Variants in DNAJC21 observed in about 807,000 individuals in gnomAD.
DNAJC21 encodes DnaJ heat shock protein family (Hsp40) member C21, also known as dnaJ homolog subfamily C member 21.
Under a neutral mutation model 72.4 loss-of-function variants are expected in DNAJC21, and 63 were observed. That is an observed-to-expected ratio of 0.87 (90% CI 0.71 to 1.07). DNAJC21 has a LOEUF of 1.07. Among genes scored for constraint, DNAJC21 ranks in the 50% least tolerant of loss-of-function variants. The probability of loss-of-function intolerance (pLI) is 0.00; values close to 1 mark genes in which losing one functional copy is unlikely to be tolerated. For missense variants in DNAJC21, 634 were observed against 644.8 expected (o/e 0.98, Z 0.18); for synonymous variants, 203 against 216.7 (o/e 0.94, Z 0.56).
Position 34,929,911 on chromosome 5 carries a change from A to C in DNAJC21, c.92A>C (p.His31Pro). ...KAYRKLALKW[H>P]PDKNLDNAAE... ...TATCGGAAGCTGGCCCTGAAATGGC[A>C]CCCGGGTAAGTACCTGTCCCGCAGC... Residue 31 changes from histidine to proline, a missense_variant, in exon 1 of 12, where the codon CAC becomes CCC. Coordinates refer to ENST00000648817, the MANE Select transcript of DNAJC21 (RefSeq NM_001012339.3). 3 of 1,571,880 alleles carry C rather than the reference A, an allele frequency of 1.9e-6. No individual in the cohort carries two copies. The highest frequency in any genetic ancestry group is 2.5e-5 in the East Asian group (1 of 40,370).
intron 7 of DNAJC21, 89 bp downstream of exon 7, chr5:34,941,272 A>G (rs1473538841): frequency 8.4e-7 from 1 of 1,193,588 alleles, no homozygotes; most frequent in African/African-American, 1.5e-5. Flanking sequence ...GTCATGACTC[A>G]CCACAGCCTC....
chr5:34,931,564 A>G (rs1047077692), intron 1 of DNAJC21, among the ~76,000 whole-genome samples: 3 of 152,234 alleles, frequency 2.0e-5, no homozygotes, highest in Non-Finnish European at 2.9e-5. Context: ...TTTCTTGAGT[A>G]CAAGAGTAGT....
rs780221044 is a variant in DNAJC21, at chr5:34,953,903, A to G, written c.1359-23A>G. The stretch of plus-strand genomic sequence containing the variant: ...AAAAGGAGTATGTTATTTTTGGATT[A>G]TGCTGAATTATTTATTTTCCAGTGT... On this transcript the variant is annotated intron_variant, in intron 10 of 11. Transcript: ENST00000648817. 3 of 1,588,884 alleles carry G rather than the reference A, an allele frequency of 1.9e-6. No homozygotes were observed. The South Asian group carries it at 3.4e-5, about 18-fold the overall frequency.
chr5:34,942,044 TC>T (rs1448268423), intron 7 of DNAJC21, among the ~76,000 whole-genome samples: 1 of 152,146 alleles, frequency 6.6e-6, no homozygotes, highest in African/African-American at 2.4e-5. Flanking sequence ...ATCCCAGTAT[TC>T]CTATAGCTGC....
At position 34,935,833 on chromosome 5, in the gene DNAJC21, G is replaced by A. The variant is rs896948713; in HGVS notation, c.315G>A (p.Lys105=). ...ATTCTGGTTATGGAGATGATGAAAA[G>A]GTAAGATAAATGAACTCACCCTTGA... ...TCYSGYGDDE[K]GFYTVYRNVF... The change falls in exon 3 of 12, where the codon AAG becomes AAA. Residue 105 remains lysine (K), a splice_region_variant and synonymous_variant. Coordinates refer to ENST00000648817, the MANE Select transcript of DNAJC21 (RefSeq NM_001012339.3). 6.2e-7 allele frequency: 1 copy of A among 1,613,718 alleles called. No individual in the cohort carries two copies. The highest frequency in any genetic ancestry group is 1.3e-5 in the African/African-American group (1 of 74,994).
intron 11 of DNAJC21, chr5:34,954,291 G>A (rs1422835667): frequency 2.1e-6 from 1 of 476,482 alleles, no homozygotes. Context: ...GAGATTAATT[G>A]TGAAGCATAA....
In DNAJC21 at chr5:34,937,583, G is replaced by T. The variant is rs200025661; in HGVS notation, c.696G>T (p.Ala232=). ...KLVEEQNAEK[A]RKAEEMRRQQ... ...TGGAAGAACAGAATGCAGAGAAGGC[G>T]AGGAAAGCCGAAGAGATGAGGCGGC... Residue 232 remains alanine (A), a synonymous_variant, in exon 5 of 12, where the codon GCG becomes GCT. Coordinates refer to ENST00000648817, the MANE Select transcript of DNAJC21 (RefSeq NM_001012339.3). 1.9e-6 allele frequency: 3 copies of T among 1,613,838 alleles called. No individual in the cohort carries two copies. Among genetic ancestry groups the T allele is most frequent in the Admixed American group, 3.3e-5 (2 of 60,004 alleles).
chr5:34,935,717 A>G lies in DNAJC21; in HGVS notation c.199A>G (p.Asn67Asp). 6.2e-7 allele frequency: 1 copy of G among 1,613,962 alleles called. No homozygotes were observed. Among genetic ancestry groups the G allele is most frequent in the Non-Finnish European group, 8.5e-7 (1 of 1,179,940 alleles). ...SDPQERAWYD[N>D]HREALLKGGF... is the part of the protein sequence containing the mutation. ...CTAATTTTTGTTTTTCAGGTATGAT[A>G]ATCATAGAGAGGCCCTACTTAAAGG... The change falls in exon 3 of 12, where the codon AAT becomes GAT. Residue 67 changes from asparagine to aspartate, a missense_variant. By Grantham distance (23) the Asn-to-Asp change is conservative (BLOSUM62 1). Transcript: ENST00000648817.
At chr5:34,933,674 C>A in intron 1 of DNAJC21, 141 bp from the exon 2 acceptor site, 2 of 581,530 alleles carry the variant, frequency 3.4e-6, no homozygotes, top group Non-Finnish European at 6.0e-6. Flanking sequence ...TTGACTGTTA[C>A]GTGGAGTCTT....
rs1764892329 is a variant in DNAJC21 at position 34,938,991 on chromosome 5, C to A, written c.877C>A (p.Leu293Ile). The change falls in exon 6 of 12, where the codon CTC (leucine) becomes ATC (isoleucine). Residue 293 changes from leucine to isoleucine, a missense_variant. Physicochemically the swap from Leu to Ile is conservative, Grantham distance 5 (BLOSUM62 2). Transcript: ENST00000648817. ...TGAAAATGAAATGGAAGAACATGAA[C>A]TCAAAGATGAGGAGGATGGTAATAT... is the stretch of plus-strand genomic sequence containing the variant. ...SDENEMEEHE[L>I]KDEEDGKDSD... 1 of 1,610,562 alleles carries A rather than the reference C, an allele frequency of 6.2e-7. No individual in the cohort carries two copies. Among genetic ancestry groups the A allele is most frequent in the South Asian group, 1.1e-5 (1 of 90,456 alleles).
rs933683147 is a variant in DNAJC21, at chr5:34,949,612, T to G, written c.1186-558T>G. 3.1e-6 allele frequency: 5 copies of G among 1,598,852 alleles called. No individual in the cohort carries two copies. In the African/African-American group the frequency reaches 5.3e-5, roughly 17 times the overall value. On this transcript the variant is annotated intron_variant, in intron 9 of 11. Transcript: ENST00000648817. ...GATGGCTTGGGGAAAAAAGTGTGTG[T>G]TGGGAGAGAGAAGAGATGGAGAGAG...
intron 9 of DNAJC21, among the ~76,000 whole-genome samples, chr5:34,947,933 T>TA (rs571905382): frequency 4.0e-5 from 6 of 151,566 alleles, no homozygotes; most frequent in East Asian, 1.9e-4. Flanking sequence ...AATAGTTCTG[T>TA]AAAAAAAAAT....
At chr5:34,943,932 AT>A (rs1765085562) in intron 7 of DNAJC21, among the ~76,000 whole-genome samples, 1 of 152,176 alleles carries the variant, frequency 6.6e-6, no homozygotes, top group Non-Finnish European at 1.5e-5. Flanking sequence ...ACATGTGCTT[AT>A]AACTTTTTTG....
intron 2 of DNAJC21, among the ~76,000 whole-genome samples, chr5:34,934,967 C>A (rs1764723628): frequency 6.6e-6 from 1 of 152,204 alleles, no homozygotes; most frequent in Admixed American, 6.5e-5. Flanking sequence ...CTTTGAAATT[C>A]TTTCCTGACT....
At chr5:34,940,942 T>C (rs1208258645) in intron 6 of DNAJC21, among the ~76,000 whole-genome samples, 154 bp from the exon 7 acceptor site, 5 of 152,214 alleles carry the variant, frequency 3.3e-5, no homozygotes, top group African/African-American at 9.6e-5. Flanking sequence ...CCTTTCCTTA[T>C]AGTACAGTGC....
chr5:34,954,783 TAAA>T lies in DNAJC21; in HGVS notation c.*70_*72del. ...ACCAAAAAACTGAACTGAAATCATC[TAAA>T]GAGTTAAAATTTCAGTGATCTGCAA... On this transcript the variant is annotated 3_prime_UTR_variant, in exon 12 of 12. Transcript: ENST00000648817. The T allele has an allele frequency of 7.2e-7, 1 of 1,379,924 alleles. No individual in the cohort carries two copies. Among genetic ancestry groups the T allele is most frequent in the Non-Finnish European group, 9.5e-7 (1 of 1,050,406 alleles). 85.5% of individuals were successfully genotyped at this position (1,379,924 alleles called of 1,614,324 possible).
chr5:34,930,868 A>G (rs1444195265), intron 1 of DNAJC21, among the ~76,000 whole-genome samples: 1 of 152,254 alleles, frequency 6.6e-6, no homozygotes, highest in Non-Finnish European at 1.5e-5. Context: ...CAACTGCCAG[A>G]AAAAAATCGC....
chr5:34,945,741 C>A lies in DNAJC21; in HGVS notation c.1143-20C>A, dbSNP rs369359554. On this transcript the variant is annotated intron_variant, in intron 8 of 11. Transcript: ENST00000648817. Reference sequence around the variant, plus strand: ...TCACAGAGTCAAGTATTTGACATTTCGATTTATATTTGCTCTTAGGCTTTC... The same window carrying A: ...TCACAGAGTCAAGTATTTGACATTTAGATTTATATTTGCTCTTAGGCTTTC... The A allele has an allele frequency of 2.6e-5, 40 of 1,567,918 alleles. No homozygotes were observed. Among genetic ancestry groups the A allele is most frequent in the Middle Eastern group, 1.7e-4 (1 of 5,844 alleles).
At chr5:34,939,084 C>G in intron 6 of DNAJC21, 75 bp downstream of exon 6, 2 of 1,324,676 alleles carry the variant, frequency 1.5e-6, no homozygotes, top group Non-Finnish European at 2.0e-6. Flanking sequence ...TATTTGACAT[C>G]TCCCAATTTT....
Sources: allele counts gnomAD v4.1 joint callset (sites outside exome capture counted in the v4.1 genomes callset), GRCh38; gene constraint gnomAD v4.1.1; transcripts MANE v1.5; gene names NCBI Gene and HGNC (gene_info 2026-07-23, HGNC 2026-07-21).